Variants in POLR3B observed in about 807,000 individuals in gnomAD.
The protein encoded by POLR3B is RNA polymerase III subunit B.
A neutral mutation model predicts 147.4 loss-of-function variants in POLR3B; 96 were observed. The observed-to-expected ratio is 0.65, with a 90% CI of 0.55 to 0.77. POLR3B has a LOEUF of 0.77. Among genes scored for constraint, POLR3B ranks in the 30% least tolerant of loss-of-function variants. The pLI, the probability that POLR3B is intolerant of heterozygous loss-of-function variation, is 0.00. For missense variants in POLR3B, 1,036 were observed against 1,413.5 expected, an observed-to-expected ratio of 0.73 and a Z score of 4.28; for synonymous variants, 461 against 485.9, an observed-to-expected ratio of 0.95 and a Z score of 0.67.
At chr12:106,439,192 T>C (rs2037617395) in intron 18 of POLR3B, among the ~76,000 whole-genome samples, 1 of 151,978 alleles carries the variant, frequency 6.6e-6, no homozygotes, top group Non-Finnish European at 1.5e-5. Flanking sequence ...CTGGACAACA[T>C]AGCAAGACCC....
intron 9 of POLR3B, among the ~76,000 whole-genome samples, chr12:106,392,534 G>C (rs2036926659): frequency 6.6e-6 from 1 of 152,118 alleles, no homozygotes; most frequent in Non-Finnish European, 1.5e-5. Flanking sequence ...AGAATAGTGA[G>C]GTAAAACGTG....
At chr12:106,406,560 T>G (rs1280993315) in intron 11 of POLR3B, among the ~76,000 whole-genome samples, 1 of 152,236 alleles carries the variant, frequency 6.6e-6, no homozygotes, top group Non-Finnish European at 1.5e-5. Context: ...AGACCTTGAA[T>G]TTAAAGTTCA....
intron 10 of POLR3B, among the ~76,000 whole-genome samples, chr12:106,403,525 G>A (rs139304449): frequency 6.6e-6 from 1 of 152,046 alleles, no homozygotes; most frequent in African/African-American, 2.4e-5. Context: ...GTTTACTGCG[G>A]CACTATTCAC....
intron 6 of POLR3B, among the ~76,000 whole-genome samples, chr12:106,371,431 A>T (rs1013579744): frequency 6.6e-6 from 1 of 152,068 alleles, no homozygotes; most frequent in Admixed American, 6.6e-5. Flanking sequence ...CAGCCATCCC[A>T]TTACTGGGTA....
chr12:106,507,628 C>A, intron 27 of POLR3B: 1 of 275,896 alleles, frequency 3.6e-6, no homozygotes, highest in Non-Finnish European at 7.2e-6. Context: ...AGTAACTCAC[C>A]AAGTTTGTAT....
intron 14 of POLR3B, among the ~76,000 whole-genome samples, chr12:106,431,654 CT>C (rs1355723655): frequency 6.6e-6 from 1 of 152,202 alleles, no homozygotes; most frequent in Non-Finnish European, 1.5e-5. Flanking sequence ...CTGTGAACAT[CT>C]TATGTAACCA....
At chr12:106,372,339 T>G (rs145768760) in intron 6 of POLR3B, among the ~76,000 whole-genome samples, 108,923 of 128,332 alleles carry the variant, frequency 0.85, 46,021 homozygotes, top group African/African-American at 0.92. Flanking sequence ...GTGTGTTTTT[T>G]TTTTTTTTTT....
chr12:106,359,174 T>A (rs1047624931), intron 1 of POLR3B, among the ~76,000 whole-genome samples: 6 of 152,168 alleles, frequency 3.9e-5, no homozygotes, highest in Non-Finnish European at 7.4e-5. Context: ...GTAATTGTGC[T>A]GCTGCACTCC....
intron 22 of POLR3B, among the ~76,000 whole-genome samples, chr12:106,461,218 C>G (rs1324770600): frequency 6.6e-6 from 1 of 152,002 alleles, no homozygotes; most frequent in Non-Finnish European, 1.5e-5. Flanking sequence ...CTCAGCCTCC[C>G]GAGTAGCTGG....
chr12:106,441,818 C>T (rs763986237), intron 18 of POLR3B, among the ~76,000 whole-genome samples: 10 of 152,126 alleles, frequency 6.6e-5, no homozygotes, highest in Non-Finnish European at 1.2e-4. Context: ...CAGTGGCTCA[C>T]GCCTGTAATC....
At chr12:106,364,049 A>G (rs766909851) in intron 2 of POLR3B, 147 bp downstream of exon 2, 12 of 667,602 alleles carry the variant, frequency 1.8e-5, no homozygotes, top group Non-Finnish European at 2.6e-5. Context: ...TATAAGGTAA[A>G]ATCCCTGCCT....
At chr12:106,465,683 A>G (rs925751312) in intron 23 of POLR3B, among the ~76,000 whole-genome samples, 2 of 151,838 alleles carry the variant, frequency 1.3e-5, no homozygotes, top group South Asian at 2.1e-4. Flanking sequence ...TCATTGTTCA[A>G]CTCCGACTTA....
At chr12:106,432,761 C>T (rs1289447037) in intron 15 of POLR3B, among the ~76,000 whole-genome samples, 4 of 152,130 alleles carry the variant, frequency 2.6e-5, no homozygotes, top group African/African-American at 4.8e-5. Context: ...TAGTGGAATA[C>T]GGTTCAACAT....
chr12:106,424,245 G>A (rs189674847), intron 12 of POLR3B, among the ~76,000 whole-genome samples: 16 of 152,154 alleles, frequency 1.1e-4, no homozygotes, highest in Admixed American at 5.2e-4. Context: ...ATGGTATTCC[G>A]GTTTTGGTTT....
chr12:106,377,704 G>A (rs768383654), intron 7 of POLR3B, among the ~76,000 whole-genome samples: 1 of 151,932 alleles, frequency 6.6e-6, no homozygotes, highest in Non-Finnish European at 1.5e-5. Flanking sequence ...TGTCAGGGGC[G>A]GGTGATTCAT....
chr12:106,445,295 G>C (rs4964465), intron 19 of POLR3B, among the ~76,000 whole-genome samples: 144,608 of 152,312 alleles, frequency 0.95, 68,690 homozygotes, highest in East Asian at 1. Context: ...AAACAGTAAC[G>C]CAATCTGGTG....
chr12:106,431,906 C>T (rs1374263848), intron 14 of POLR3B, among the ~76,000 whole-genome samples: 1 of 152,130 alleles, frequency 6.6e-6, no homozygotes. Flanking sequence ...TCATTTCAGG[C>T]CAGAAGTTTT....
At chr12:106,371,203 G>A (rs974225724) in intron 6 of POLR3B, among the ~76,000 whole-genome samples, 7 of 152,118 alleles carry the variant, frequency 4.6e-5, no homozygotes, top group Admixed American at 4.6e-4. Context: ...CACCATCACT[G>A]GCTATCAGAG....
At chr12:106,364,481 A>G (rs2036506739) in intron 2 of POLR3B, among the ~76,000 whole-genome samples, 1 of 152,222 alleles carries the variant, frequency 6.6e-6, no homozygotes, top group Admixed American at 6.5e-5. Flanking sequence ...GAGGAATGGG[A>G]ACTATCATGC....
Sources: gnomAD v4.1 joint callset for allele counts (sites outside exome capture counted in the v4.1 genomes callset) on GRCh38, gnomAD v4.1.1 for gene constraint, MANE v1.5 for transcripts, NCBI Gene and HGNC (gene_info 2026-07-23, HGNC 2026-07-21) for gene names.